The following CRIM1 variants were observed in gnomAD, a reference collection of about 807,000 sequenced individuals.
The protein encoded by CRIM1 is cysteine-rich motor neuron 1 protein.
In CRIM1, 32 loss-of-function variants were observed where a neutral mutation model predicts 116.4. That is an observed-to-expected ratio of 0.27 (90% CI 0.21 to 0.37). CRIM1 has a LOEUF of 0.37. CRIM1 is among the 10% of genes least tolerant of loss of function. The pLI, the probability that CRIM1 is intolerant of heterozygous loss-of-function variation, is 1.00. For synonymous variants in CRIM1, 590 were observed against 509.2 expected (o/e 1.16, Z -2.13); for missense variants, 1,331 against 1,354.8 (o/e 0.98, Z 0.28).
At chr2:36,491,519 C>T (rs541035957) in intron 7 of CRIM1, among the ~76,000 whole-genome samples, 1 of 152,210 alleles carries the variant, frequency 6.6e-6, no homozygotes, top group Non-Finnish European at 1.5e-5. Context: ...GATACAGCCT[C>T]TTAGGACAAT....
chr2:36,440,893 T>C (rs1675766342), intron 2 of CRIM1, among the ~76,000 whole-genome samples: 1 of 152,208 alleles, frequency 6.6e-6, no homozygotes, highest in African/African-American at 2.4e-5. Context: ...CCTTTAAAGC[T>C]CTTTTGAATT....
chr2:36,517,808 C>T (rs1019381205), intron 12 of CRIM1, among the ~76,000 whole-genome samples: 8 of 152,222 alleles, frequency 5.3e-5, no homozygotes, highest in Admixed American at 2.6e-4. Flanking sequence ...CTTAACCCTG[C>T]ATCTCAAACT....
intron 7 of CRIM1, among the ~76,000 whole-genome samples, chr2:36,497,802 C>T (rs1346469115): frequency 2.0e-5 from 3 of 152,174 alleles, no homozygotes; most frequent in African/African-American, 7.2e-5. Context: ...ATCACTGTCC[C>T]CTTTTAGTAG....
chr2:36,411,844 A>G (rs1673233774), intron 2 of CRIM1, among the ~76,000 whole-genome samples: 1 of 152,156 alleles, frequency 6.6e-6, no homozygotes, highest in African/African-American at 2.4e-5. Context: ...CTAAGAATCG[A>G]TGTAATATTA....
chr2:36,537,684 C>G (rs1221709701), intron 14 of CRIM1, 138 bp downstream of exon 14: 5 of 951,142 alleles, frequency 5.3e-6, no homozygotes, highest in Non-Finnish European at 7.6e-6. Context: ...GCGCCTCCAC[C>G]CAAAGACCCT....
intron 1 of CRIM1, among the ~76,000 whole-genome samples, chr2:36,377,530 A>G (rs1448519006): frequency 6.6e-6 from 1 of 152,192 alleles, no homozygotes; most frequent in East Asian, 1.9e-4. Flanking sequence ...ACCTCTGTTC[A>G]TGATTTCCCT....
intron 2 of CRIM1, among the ~76,000 whole-genome samples, chr2:36,401,984 C>T (rs1473329705): frequency 6.7e-6 from 1 of 149,160 alleles, no homozygotes. Flanking sequence ...AGCAAGAAAC[C>T]TTCTGCCATC....
At chr2:36,368,924 T>C (rs956699215) in intron 1 of CRIM1, among the ~76,000 whole-genome samples, 4 of 152,254 alleles carry the variant, frequency 2.6e-5, no homozygotes, top group African/African-American at 9.6e-5. Flanking sequence ...GGCTTGCTCT[T>C]TCTTTCCATT....
intron 7 of CRIM1, among the ~76,000 whole-genome samples, chr2:36,492,088 A>G (rs1680265235): frequency 6.6e-6 from 1 of 152,178 alleles, no homozygotes; most frequent in Non-Finnish European, 1.5e-5. Flanking sequence ...TGTTTTTGGT[A>G]AAGGAAGAAA....
chr2:36,517,782 C>T (rs1257342326), intron 12 of CRIM1, among the ~76,000 whole-genome samples: 2 of 152,218 alleles, frequency 1.3e-5, no homozygotes, highest in African/African-American at 4.8e-5. Flanking sequence ...GACTGTTGCT[C>T]TTGCCAATTT....
chr2:36,474,957 A>G (rs952122461), intron 5 of CRIM1, among the ~76,000 whole-genome samples: 2 of 152,060 alleles, frequency 1.3e-5, no homozygotes, highest in Admixed American at 1.3e-4. Context: ...ATTGAACTAT[A>G]TATCTATCCC....
chr2:36,356,486 C>T lies in CRIM1; in HGVS notation c.194C>T (p.Thr65Met), dbSNP rs777069801. The T allele has an allele frequency of 3.1e-6, 5 of 1,612,392 alleles. No homozygotes were observed. The highest frequency in any genetic ancestry group is 2.2e-5 in the East Asian group (1 of 44,832). The part of the protein sequence containing the change: ...IVQGVCGCCY[T>M]CASQRNESCG... ...CAGGGCGTCTGCGGCTGCTGCTACA[C>T]GTGCGCCAGCCAGAGGAACGAGAGC... The change falls in exon 1 of 17, where the codon ACG (threonine) becomes ATG (methionine). Residue 65 changes from threonine (T) to methionine (M), a missense_variant. Around this residue, in one of 3 missense-constraint regions of CRIM1, gnomAD observed 690 missense variants for 676.0 expected, o/e 1.02. Coordinates refer to ENST00000280527, the MANE Select transcript of CRIM1 (RefSeq NM_016441.3). This position sits in a 1 kb window ranked among gnomAD's most constrained non-coding sequence, Gnocchi z 4.3.
chr2:36,471,378 A>C (rs565871526), intron 5 of CRIM1, among the ~76,000 whole-genome samples: 3 of 152,132 alleles, frequency 2.0e-5, no homozygotes, highest in African/African-American at 7.2e-5. Flanking sequence ...GAGTTAGTCA[A>C]TGTGGCAAAC....
intron 8 of CRIM1, among the ~76,000 whole-genome samples, chr2:36,499,765 GA>G (rs1558373729): frequency 6.6e-6 from 1 of 152,194 alleles, no homozygotes; most frequent in African/African-American, 2.4e-5. Context: ...CCTCCATGCA[GA>G]TTCCAATCAT....
intron 1 of CRIM1, among the ~76,000 whole-genome samples, chr2:36,388,951 A>G (rs1048771823): frequency 6.6e-6 from 1 of 152,218 alleles, no homozygotes; most frequent in African/African-American, 2.4e-5. Flanking sequence ...AATACAAATC[A>G]GTGTTCTTGT....
At chr2:36,367,221 T>A (rs1669658450) in intron 1 of CRIM1, among the ~76,000 whole-genome samples, 1 of 152,234 alleles carries the variant, frequency 6.6e-6, no homozygotes, top group Admixed American at 6.5e-5. Flanking sequence ...AGGCAGATTT[T>A]AAGAAAACTT....
chr2:36,382,110 A>G (rs148899875), intron 1 of CRIM1, among the ~76,000 whole-genome samples: 1 of 152,260 alleles, frequency 6.6e-6, no homozygotes, highest in Non-Finnish European at 1.5e-5. Context: ...TGTATCCTCA[A>G]CTTCCTCCTA....
chr2:36,545,805 C>T (rs1261835280), intron 15 of CRIM1, among the ~76,000 whole-genome samples: 1 of 152,088 alleles, frequency 6.6e-6, no homozygotes, highest in Non-Finnish European at 1.5e-5. Flanking sequence ...AAACTGCTTT[C>T]TATTTGATTT....
Position 36,361,808 on chromosome 2 carries a change from T to C in CRIM1, c.331+5185T>C, listed in dbSNP as rs547337596. On this transcript the variant is annotated intron_variant, in intron 1 of 16. Transcript: ENST00000280527. The stretch of plus-strand genomic sequence containing the variant: ...AGTGAAGCGGGTTCCTGTAACACTG[T>C]GTTCCGTATGGCACGTTTGGTATCA... Among the ~76,000 whole-genome samples the C allele has an allele frequency of 1.1e-4, 17 of 152,290 alleles. No homozygotes were observed. The South Asian group carries it at 3.5e-3, about 32-fold the overall frequency.
Sources: allele counts gnomAD v4.1 joint callset (sites outside exome capture counted in the v4.1 genomes callset), GRCh38; gene constraint gnomAD v4.1.1; regional missense constraint gnomAD v4.1.1; non-coding constraint Gnocchi (gnomAD v3.1); transcripts MANE v1.5; gene names NCBI Gene and HGNC (gene_info 2026-07-23, HGNC 2026-07-21).